RPTOR: variants seen among roughly 807,000 people sequenced by gnomAD.
The protein encoded by RPTOR is regulatory-associated protein of mTOR.
RPTOR carries 21 observed loss-of-function variants against 169.9 expected under a neutral mutation model. The ratio of observed to expected loss-of-function variants is 0.12; its 90% CI spans 0.09 to 0.18. The LOEUF is 0.18. Among genes scored for constraint, RPTOR ranks in the 10% least tolerant of loss-of-function variants. The pLI is 1.00. For synonymous variants in RPTOR, 732 were observed against 753.2 expected (o/e 0.97, Z 0.46); for missense variants, 1,133 against 1,855.9 (o/e 0.61, Z 7.16).
chr17:80,889,390 C>T (rs2068287877), intron 17 of RPTOR, among the ~76,000 whole-genome samples: 1 of 152,132 alleles, frequency 6.6e-6, no homozygotes, highest in African/African-American at 2.4e-5. Flanking sequence ...GAAGGCTGCT[C>T]AGCCCCAGCC....
At chr17:80,744,975 CTGGTTACTAGCACAGCCT>C (rs1250564374) in intron 5 of RPTOR, among the ~76,000 whole-genome samples, 1 of 150,110 alleles carries the variant, frequency 6.7e-6, no homozygotes, top group Non-Finnish European at 1.5e-5. Flanking sequence ...TAGCAGAGCC[CTGGTTACTAGCACAGCCT>C]TGGTTACTAG....
chr17:80,765,153 G>A (rs181623344), intron 6 of RPTOR, among the ~76,000 whole-genome samples: 4 of 152,308 alleles, frequency 2.6e-5, no homozygotes, highest in East Asian at 1.9e-4. Context: ...GCTGTCCGTC[G>A]CATCTCTGCA....
chr17:80,893,580 G>C (rs973732571), intron 19 of RPTOR, 127 bp from the exon 20 acceptor site: 1 of 1,210,144 alleles, frequency 8.3e-7, no homozygotes. Context: ...GTGTACCAGG[G>C]TGTGTTTGTG....
At chr17:80,642,658 G>A (rs576209179) in intron 2 of RPTOR, among the ~76,000 whole-genome samples, 4 of 152,272 alleles carry the variant, frequency 2.6e-5, no homozygotes, top group African/African-American at 9.6e-5. Context: ...CAAAAAGTTC[G>A]TTGATGTGGT....
At chr17:80,767,206 C>G (rs940273671) in intron 6 of RPTOR, among the ~76,000 whole-genome samples, 6 of 152,230 alleles carry the variant, frequency 3.9e-5, no homozygotes, top group African/African-American at 1.4e-4. Flanking sequence ...AACCCCATCT[C>G]TACAAAATAT....
intron 4 of RPTOR, among the ~76,000 whole-genome samples, chr17:80,712,104 T>C (rs1231147744): frequency 2.0e-5 from 3 of 152,160 alleles, no homozygotes; most frequent in Admixed American, 1.3e-4. Context: ...TACAGAAAAA[T>C]TGAGCAAGTT....
chr17:80,826,398 T>C (rs191033756), intron 9 of RPTOR, among the ~76,000 whole-genome samples: 43 of 152,312 alleles, frequency 2.8e-4, no homozygotes, highest in African/African-American at 9.9e-4. Flanking sequence ...TGTGCAGAGC[T>C]CGTCACCAGG....
chr17:80,790,490 C>G (rs1488354009), intron 6 of RPTOR, among the ~76,000 whole-genome samples: 1 of 152,142 alleles, frequency 6.6e-6, no homozygotes, highest in Non-Finnish European at 1.5e-5. Flanking sequence ...CTCAGTTCCT[C>G]TGTGTCTTTT....
chr17:80,704,291 C>T (rs1164179930), intron 3 of RPTOR, among the ~76,000 whole-genome samples: 2 of 152,182 alleles, frequency 1.3e-5, no homozygotes, highest in Non-Finnish European at 2.9e-5. Context: ...CAGAACTGCG[C>T]TTTCATTTAT....
intron 3 of RPTOR, among the ~76,000 whole-genome samples, chr17:80,665,111 G>A (rs1229602091): frequency 1.3e-5 from 2 of 151,936 alleles, no homozygotes; most frequent in Non-Finnish European, 2.9e-5. Flanking sequence ...TGTTTTTGCT[G>A]TTGTCAACCG....
chr17:80,953,021 C>T (rs9890953), intron 28 of RPTOR, among the ~76,000 whole-genome samples: 51,874 of 151,680 alleles, frequency 0.34, 9,998 homozygotes, highest in East Asian at 0.55. Flanking sequence ...CGCACCACCA[C>T]GCCTGGCTAA....
At chr17:80,585,148 C>T (rs550111459) in intron 1 of RPTOR, among the ~76,000 whole-genome samples, 1 of 148,786 alleles carries the variant, frequency 6.7e-6, no homozygotes, top group African/African-American at 2.5e-5. Context: ...ATATCCTGTT[C>T]TTGTTTCAGT....
chr17:80,752,909 C>T (rs375248909), intron 5 of RPTOR, among the ~76,000 whole-genome samples: 1 of 152,196 alleles, frequency 6.6e-6, no homozygotes, highest in South Asian at 2.1e-4. Context: ...TAGTAAACAA[C>T]AATTCACTTA....
chr17:80,731,041 G>A (rs923753813), intron 5 of RPTOR, among the ~76,000 whole-genome samples: 1 of 152,010 alleles, frequency 6.6e-6, no homozygotes, highest in Non-Finnish European at 1.5e-5. Context: ...ACCATGCCTA[G>A]CTAATTTTTG....
rs373078677 is a variant in RPTOR, at chr17:80,707,870, T to C, written c.378T>C (p.Thr126=). 1.2e-6 allele frequency: 2 copies of C among 1,614,102 alleles called. No homozygotes were observed. Among genetic ancestry groups the C allele is most frequent in the South Asian group, 1.1e-5 (1 of 91,060 alleles). ...GGTACAAGCAGAGCCTTGACCCAAC[T>C]GTGGATGAAGTCAAGAAGCTCTGCA... ...RARYKQSLDP[T]VDEVKKLCTS... Residue 126 remains threonine (T), a synonymous_variant, in exon 4 of 34, where the codon ACT becomes ACC. Transcript: ENST00000306801. This position sits in a 1 kb window ranked among gnomAD's most constrained non-coding sequence, Gnocchi z 5.0.
intron 13 of RPTOR, among the ~76,000 whole-genome samples, chr17:80,858,307 TC>T (rs1728806596): frequency 6.6e-6 from 1 of 152,218 alleles, no homozygotes; most frequent in African/African-American, 2.4e-5. Context: ...GCATTGGCTC[TC>T]CTGTGCCCAC....
chr17:80,880,607 A>T, intron 14 of RPTOR, 118 bp downstream of exon 14: 1 of 892,940 alleles, frequency 1.1e-6, no homozygotes, highest in South Asian at 1.4e-5. Context: ...CAAGGGTCAC[A>T]GCAGGGGCCA....
intron 13 of RPTOR, among the ~76,000 whole-genome samples, chr17:80,872,739 A>G (rs1348291107): frequency 1.3e-5 from 2 of 152,332 alleles, no homozygotes; most frequent in East Asian, 3.9e-4. Flanking sequence ...GACTAGACCG[A>G]GCCCTGGCAG....
intron 15 of RPTOR, 69 bp downstream of exon 15, chr17:80,883,553 G>T: frequency 6.7e-7 from 1 of 1,499,650 alleles, no homozygotes; most frequent in Non-Finnish European, 9.3e-7. Context: ...GGCCCACTGT[G>T]AAACGTGGTG....
Sources: allele counts gnomAD v4.1 joint callset (sites outside exome capture counted in the v4.1 genomes callset), GRCh38; gene constraint gnomAD v4.1.1; non-coding constraint Gnocchi (gnomAD v3.1); transcripts MANE v1.5; gene names NCBI Gene and HGNC (gene_info 2026-07-23, HGNC 2026-07-21).